FAT3: variants seen among roughly 807,000 people sequenced by gnomAD.
FAT3 encodes FAT atypical cadherin 3, also known as protocadherin Fat 3.
In FAT3, 95 loss-of-function variants were observed where a neutral mutation model predicts 310.2. That is an observed-to-expected ratio of 0.31 (90% CI 0.26 to 0.36). The LOEUF (loss-of-function observed/expected upper bound fraction) is 0.36, where lower values mean the gene tolerates loss of function less well. FAT3 is among the 10% of genes least tolerant of loss of function. The pLI is 1.00. For missense variants in FAT3, 5,408 were observed against 5,715.6 expected (o/e 0.95, Z 1.74); for synonymous variants, 2,314 against 2,192.9 (o/e 1.06, Z -1.54).
In FAT3 at chr11:92,847,191, A is replaced by C. The variant is rs1948704400; in HGVS notation, c.11365+2459A>C. ...AACAACGTTTCATCAACAAGGGACC[A>C]TGTATACAGTGGTAGTCCCATACGA... On this transcript the variant is annotated intron_variant, in intron 19 of 27. Transcript: ENST00000525166. 5.3e-5 allele frequency among the ~76,000 whole-genome samples: 8 copies of C among 152,368 alleles called. No individual in the cohort carries two copies. In the South Asian group the frequency reaches 1.7e-3, roughly 32 times the overall value.
chr11:92,436,289 G>A (rs1162386884), intron 2 of FAT3, among the ~76,000 whole-genome samples: 3 of 151,974 alleles, frequency 2.0e-5, no homozygotes, highest in Non-Finnish European at 2.9e-5. Context: ...ACAGACATGT[G>A]CCACCATGCC....
At chr11:92,473,697 G>T (rs1951970309) in intron 2 of FAT3, among the ~76,000 whole-genome samples, 1 of 152,086 alleles carries the variant, frequency 6.6e-6, no homozygotes. Flanking sequence ...TTAAAGCCAG[G>T]GTCCCAATCA....
At chr11:92,546,505 G>A (rs921535904) in intron 3 of FAT3, among the ~76,000 whole-genome samples, 29 of 152,140 alleles carry the variant, frequency 1.9e-4, no homozygotes, top group African/African-American at 6.3e-4. Context: ...TAAGAAGGGA[G>A]GTTGAGGCCA....
chr11:92,585,838 T>TCC (rs201085814), intron 3 of FAT3, among the ~76,000 whole-genome samples: 10,699 of 149,914 alleles, frequency 0.071, 1,117 homozygotes, highest in African/African-American at 0.23. Context: ...GTTTTTTTTT[T>TCC]CCCCATTAAA....
chr11:92,600,852 A>G (rs1234549209), intron 3 of FAT3, among the ~76,000 whole-genome samples: 1 of 152,202 alleles, frequency 6.6e-6, no homozygotes, highest in Non-Finnish European at 1.5e-5. Flanking sequence ...ATGGTTGGGG[A>G]AGGCACCTTC....
At chr11:92,343,559 A>G (rs571120821) in intron 1 of FAT3, among the ~76,000 whole-genome samples, 1 of 152,318 alleles carries the variant, frequency 6.6e-6, no homozygotes, top group Non-Finnish European at 1.5e-5. Flanking sequence ...TTATGAAAAT[A>G]TATGGATGAT....
chr11:92,432,620 G>C (rs1950816424), intron 2 of FAT3, among the ~76,000 whole-genome samples: 1 of 152,192 alleles, frequency 6.6e-6, no homozygotes, highest in Non-Finnish European at 1.5e-5. Flanking sequence ...AATGCTGCCT[G>C]CTCCTTCCTT....
At chr11:92,673,311 A>G (rs534367133) in intron 3 of FAT3, among the ~76,000 whole-genome samples, 46 of 152,246 alleles carry the variant, frequency 3.0e-4, no homozygotes, top group Admixed American at 8.5e-4. Context: ...GTATCCAATT[A>G]TGTTCAATTC....
At chr11:92,740,803 A>G (rs945932744) in intron 4 of FAT3, among the ~76,000 whole-genome samples, 3 of 152,196 alleles carry the variant, frequency 2.0e-5, no homozygotes, top group African/African-American at 7.2e-5. Context: ...AACACTCTTT[A>G]CTACAGTAGT....
chr11:92,472,533 A>C (rs1951935529), intron 2 of FAT3, among the ~76,000 whole-genome samples: 1 of 152,228 alleles, frequency 6.6e-6, no homozygotes, highest in Admixed American at 6.5e-5. Flanking sequence ...AAGAAAAATA[A>C]AACTGCCTAG....
chr11:92,856,528 C>T (rs951056290), intron 19 of FAT3, among the ~76,000 whole-genome samples: 8 of 152,186 alleles, frequency 5.3e-5, no homozygotes, highest in African/African-American at 1.9e-4. Flanking sequence ...GATTTCCCTT[C>T]TGAGGGATTA....
rs114371292 is a variant in FAT3 at position 92,439,871 on chromosome 11, G to A, written c.3292+84467G>A. Among the ~76,000 whole-genome samples the A allele has an allele frequency of 1.8e-3, 270 of 151,688 alleles. 2 individuals carry two copies. The highest frequency in any genetic ancestry group is 6.3e-3 in the African/African-American group (259 of 41,338). On this transcript the variant is annotated intron_variant, in intron 2 of 27. Transcript: ENST00000525166. ...GTCGAGGCTGCTGTGAGCGTTGATC[G>A]CACCACTGCACTCCATCCTGGATGA...
intron 2 of FAT3, among the ~76,000 whole-genome samples, chr11:92,367,793 A>G (rs146005718): frequency 2.6e-5 from 4 of 152,318 alleles, no homozygotes; most frequent in Non-Finnish European, 5.9e-5. Context: ...GAGTTTTACA[A>G]ATTCCAATTG....
At chr11:92,802,266 T>C (rs1315482007) in intron 10 of FAT3, among the ~76,000 whole-genome samples, 1 of 152,198 alleles carries the variant, frequency 6.6e-6, no homozygotes, top group Non-Finnish European at 1.5e-5. Context: ...GTTCCTTTTT[T>C]CTACCTTTTG....
intron 3 of FAT3, among the ~76,000 whole-genome samples, chr11:92,691,384 T>C (rs1451988132): frequency 1.3e-5 from 2 of 152,166 alleles, no homozygotes; most frequent in South Asian, 2.1e-4. Flanking sequence ...TTAGTTTTAT[T>C]TTTGGTTTAC....
At chr11:92,704,528 A>G (rs1944206970) in intron 4 of FAT3, among the ~76,000 whole-genome samples, 1 of 152,224 alleles carries the variant, frequency 6.6e-6, no homozygotes, top group African/African-American at 2.4e-5. Flanking sequence ...CATTAAATGA[A>G]AATGAGGTCA....
At chr11:92,462,512 C>T (rs1951662178) in intron 2 of FAT3, among the ~76,000 whole-genome samples, 1 of 152,018 alleles carries the variant, frequency 6.6e-6, no homozygotes, top group Non-Finnish European at 1.5e-5. Context: ...AAGGAGAATC[C>T]AGTATCCTGC....
intron 11 of FAT3, among the ~76,000 whole-genome samples, chr11:92,805,687 T>A (rs557025415): frequency 8.5e-5 from 13 of 152,290 alleles, no homozygotes; most frequent in African/African-American, 2.9e-4. Context: ...TGGACCACTC[T>A]ACAGGATGTT....
In FAT3 at chr11:92,894,861, A is replaced by G. The variant is rs904366054; in HGVS notation, c.*3748A>G. The G allele has an allele frequency of 2.0e-5, 3 of 152,128 alleles. No homozygotes were observed. The highest frequency in any genetic ancestry group is 7.2e-5 in the African/African-American group (3 of 41,470). 9.4% of individuals were successfully genotyped at this position (152,128 alleles called of 1,614,324 possible). A position where few individuals can be genotyped will look rare whatever the true frequency, so the allele number is the denominator to read the frequency against. On this transcript the variant is annotated 3_prime_UTR_variant, in exon 28 of 28. Coordinates refer to ENST00000525166, the MANE Select transcript of FAT3 (RefSeq NM_001367949.2). ...GATTTGCCTGGAACTTCCCTTGGAC[A>G]TTACTAGCACATTCTGGAAAAAAAG... is the stretch of plus-strand genomic sequence containing the variant.
Sources: gnomAD v4.1 joint callset for allele counts (sites outside exome capture counted in the v4.1 genomes callset) on GRCh38, gnomAD v4.1.1 for gene constraint, MANE v1.5 for transcripts, NCBI Gene and HGNC (gene_info 2026-07-23, HGNC 2026-07-21) for gene names.